Variants in BRAF observed in about 807,000 individuals in gnomAD.
The protein encoded by BRAF is serine/threonine-protein kinase B-raf.
In BRAF, 16 loss-of-function variants were observed where a neutral mutation model predicts 104.6. That is an observed-to-expected ratio of 0.15 (90% CI 0.10 to 0.23). The LOEUF is 0.23. Ranked by LOEUF, BRAF falls within the 10% of genes least tolerant of loss-of-function variation. The pLI is 1.00. For synonymous variants in BRAF, 310 were observed against 341.6 expected (o/e 0.91, Z 1.02); for missense variants, 541 against 937.3 (o/e 0.58, Z 5.52).
intron 12 of BRAF, chr7:140,779,851 G>T (rs1222972250): frequency 1.3e-5 from 2 of 152,250 alleles, no homozygotes; most frequent in African/African-American, 4.8e-5. Flanking sequence ...AGAACTGCTT[G>T]AATCTGGGAG....
chr7:140,756,587 T>C (rs898740547), intron 14 of BRAF, among the ~76,000 whole-genome samples: 1 of 151,854 alleles, frequency 6.6e-6, no homozygotes, highest in African/African-American at 2.4e-5. Context: ...ATAACTCACA[T>C]AACTGTTTGG....
intron 12 of BRAF, chr7:140,779,870 T>A (rs1345702394): frequency 1.3e-5 from 2 of 152,236 alleles, no homozygotes; most frequent in Non-Finnish European, 2.9e-5. Flanking sequence ...AGGCAGAGGT[T>A]GTAGTGAGTT....
chr7:140,762,634 A>C (rs905816138), intron 14 of BRAF, among the ~76,000 whole-genome samples: 2 of 132,240 alleles, frequency 1.5e-5, no homozygotes, highest in Admixed American at 8.1e-5. Context: ...TTAATTGATC[A>C]TTCTTGGGTG....
intron 11 of BRAF, among the ~76,000 whole-genome samples, chr7:140,781,973 T>C (rs984325831): frequency 6.6e-6 from 1 of 152,170 alleles, no homozygotes; most frequent in Non-Finnish European, 1.5e-5. Flanking sequence ...GGTTTGTTAC[T>C]TATGTATACA....
At chr7:140,737,141 ACTTAAT>A (rs201468660) in intron 18 of BRAF, among the ~76,000 whole-genome samples, 47 of 152,312 alleles carry the variant, frequency 3.1e-4, no homozygotes, top group Middle Eastern at 3.4e-3. Context: ...TACAAAACTA[ACTTAAT>A]CTTAATGTCT....
Position 140,806,186 on chromosome 7 carries a change from T to C in BRAF, c.711+1774A>G, listed in dbSNP as rs552999173. Reference sequence around the variant, plus strand: ...CCCTCTGTTTAGGGTACTCTTTACTTGATACTTACTTCCTCATCCATCAGG... The same window carrying C: ...CCCTCTGTTTAGGGTACTCTTTACTCGATACTTACTTCCTCATCCATCAGG... On this transcript the variant is annotated intron_variant, in intron 5 of 19. Coordinates refer to ENST00000644969, the MANE Select transcript of BRAF (RefSeq NM_001374258.1). 6.3e-4 allele frequency among the ~76,000 whole-genome samples: 96 copies of C among 152,320 alleles called. 1 individual carries two copies. The highest frequency in any genetic ancestry group is 6.8e-3 in the Middle Eastern group (2 of 294).
At chr7:140,825,574 TCC>T (rs1424080644) in intron 3 of BRAF, among the ~76,000 whole-genome samples, 1 of 152,238 alleles carries the variant, frequency 6.6e-6, no homozygotes, top group Non-Finnish European at 1.5e-5. Context: ...GTGTTCAATT[TCC>T]TTTATACAGT....
chr7:140,828,063 T>G (rs372478347), intron 3 of BRAF, among the ~76,000 whole-genome samples: 4 of 152,026 alleles, frequency 2.6e-5, no homozygotes, highest in African/African-American at 9.6e-5. Context: ...ACCCGGCCAA[T>G]TTTGTATTTA....
intron 17 of BRAF, chr7:140,740,252 G>T: frequency 3.8e-6 from 1 of 266,250 alleles, no homozygotes; most frequent in African/African-American, 2.2e-5. Flanking sequence ...AAACAGATCT[G>T]ACAGTGCCTC....
intron 1 of BRAF, among the ~76,000 whole-genome samples, chr7:140,885,702 T>C (rs948934642): frequency 5.3e-5 from 8 of 152,218 alleles, no homozygotes; most frequent in African/African-American, 1.4e-4. Context: ...ATCAATTACA[T>C]AGACATCTGT....
chr7:140,790,043 G>A (rs1279767717), intron 8 of BRAF, among the ~76,000 whole-genome samples: 2 of 152,082 alleles, frequency 1.3e-5, no homozygotes, highest in African/African-American at 4.8e-5. Flanking sequence ...AAGATTTTTA[G>A]TGCTGTGTAT....
At chr7:140,882,034 G>T (rs1484735981) in intron 1 of BRAF, among the ~76,000 whole-genome samples, 4 of 152,126 alleles carry the variant, frequency 2.6e-5, no homozygotes, top group African/African-American at 7.2e-5. Flanking sequence ...TTGGAAAAAT[G>T]GCGCTAACAG....
downstream of BRAF, among the ~76,000 whole-genome samples, chr7:140,714,887 C>T (rs564898018): frequency 6.6e-5 from 10 of 152,114 alleles, no homozygotes; most frequent in South Asian, 1.9e-3. Context: ...GAGCTGAAAG[C>T]GGAACAAGTA....
At chr7:140,761,813 G>C (rs1351494394) in intron 14 of BRAF, among the ~76,000 whole-genome samples, 4 of 152,174 alleles carry the variant, frequency 2.6e-5, no homozygotes, top group Non-Finnish European at 5.9e-5. Context: ...TAATGGTAAA[G>C]GGACCAATTC....
intron 1 of BRAF, among the ~76,000 whole-genome samples, chr7:140,868,564 T>C (rs977872416): frequency 6.7e-5 from 10 of 150,052 alleles, no homozygotes; most frequent in African/African-American, 2.5e-4. Context: ...TGCCTAGAAA[T>C]GGGGGGAATA....
intron 1 of BRAF, among the ~76,000 whole-genome samples, chr7:140,860,465 G>GAAAA (rs746617365): frequency 1.9e-4 from 12 of 62,144 alleles, no homozygotes; most frequent in Middle Eastern, 9.8e-3. Context: ...CCCATCTCTA[G>GAAAA]AAAAAAAAAA....
intron 3 of BRAF, among the ~76,000 whole-genome samples, chr7:140,830,668 C>T (rs955492622): frequency 1.3e-5 from 2 of 152,070 alleles, no homozygotes; most frequent in Non-Finnish European, 2.9e-5. Context: ...GTGGGGAGGT[C>T]GTGGAGATTG....
At chr7:140,788,628 G>A (rs1401530150) in intron 8 of BRAF, among the ~76,000 whole-genome samples, 9 of 151,914 alleles carry the variant, frequency 5.9e-5, no homozygotes, top group Non-Finnish European at 1.2e-4. Flanking sequence ...TTGCTCTGTC[G>A]CCCAGGCTGG....
intron 14 of BRAF, among the ~76,000 whole-genome samples, chr7:140,756,060 ATAGAG>A (rs1798179220): frequency 6.6e-6 from 1 of 152,172 alleles, no homozygotes; most frequent in Non-Finnish European, 1.5e-5. Context: ...TATAGCAAGA[ATAGAG>A]TAGACAGAAA....
Sources: gnomAD v4.1 joint callset for allele counts (sites outside exome capture counted in the v4.1 genomes callset) on GRCh38, gnomAD v4.1.1 for gene constraint, MANE v1.5 for transcripts, NCBI Gene and HGNC (gene_info 2026-07-23, HGNC 2026-07-21) for gene names.